PPP3CA: variants seen among roughly 807,000 people sequenced by gnomAD.
PPP3CA encodes CAM-PRP catalytic subunit.
PPP3CA carries 14 observed loss-of-function variants against 66.5 expected under a neutral mutation model. The ratio of observed to expected loss-of-function variants is 0.21; its 90% CI spans 0.14 to 0.33. PPP3CA has a LOEUF of 0.33. Ranked by LOEUF, PPP3CA falls within the 10% of genes least tolerant of loss-of-function variation. The probability of loss-of-function intolerance (pLI) is 1.00; values close to 1 mark genes in which losing one functional copy is unlikely to be tolerated. For missense variants in PPP3CA, 317 were observed against 639.5 expected, an observed-to-expected ratio of 0.50 and a Z score of 5.44; for synonymous variants, 232 against 226.2, an observed-to-expected ratio of 1.03 and a Z score of -0.23.
chr4:101,221,948 T>C (rs1224106306), intron 1 of PPP3CA, among the ~76,000 whole-genome samples: 10 of 151,554 alleles, frequency 6.6e-5, no homozygotes, highest in African/African-American at 2.2e-4. Flanking sequence ...CCAAACACAC[T>C]TAAAAATAGG....
At chr4:101,140,954 T>C (rs2110291325) in intron 2 of PPP3CA, among the ~76,000 whole-genome samples, 1 of 152,358 alleles carries the variant, frequency 6.6e-6, no homozygotes, top group Middle Eastern at 3.4e-3. Context: ...TCACTAGTAG[T>C]ACATTTCATA....
chr4:101,318,552 T>C (rs1210839637), intron 1 of PPP3CA, among the ~76,000 whole-genome samples: 1 of 152,148 alleles, frequency 6.6e-6, no homozygotes, highest in Non-Finnish European at 1.5e-5. Flanking sequence ...AATTATATTG[T>C]TAGAATTGTG....
chr4:101,056,356 C>T (rs187510515), intron 10 of PPP3CA, among the ~76,000 whole-genome samples: 183 of 152,230 alleles, frequency 1.2e-3, no homozygotes, highest in African/African-American at 4.0e-3. Flanking sequence ...ATCCCTAACA[C>T]GTAAGTGTTA....
intron 1 of PPP3CA, among the ~76,000 whole-genome samples, chr4:101,314,501 T>C (rs531960441): frequency 2.2e-4 from 33 of 147,050 alleles, no homozygotes; most frequent in Non-Finnish European, 3.9e-4. Flanking sequence ...GAGGCGGAGC[T>C]TGCAGTGAGC....
At chr4:101,127,082 A>T (rs1722268264) in intron 2 of PPP3CA, among the ~76,000 whole-genome samples, 1 of 152,134 alleles carries the variant, frequency 6.6e-6, no homozygotes, top group South Asian at 2.1e-4. Context: ...GTTTTCCCTT[A>T]TCTGAGGTTT....
chr4:101,147,251 T>C (rs558218283), intron 2 of PPP3CA, among the ~76,000 whole-genome samples: 3 of 152,320 alleles, frequency 2.0e-5, no homozygotes, highest in East Asian at 3.9e-4. Flanking sequence ...TGGCCAATAA[T>C]TTCCCACTTG....
intron 12 of PPP3CA, among the ~76,000 whole-genome samples, chr4:101,030,379 G>T (rs1417674980): frequency 6.6e-6 from 1 of 152,108 alleles, no homozygotes; most frequent in Non-Finnish European, 1.5e-5. Context: ...CATGGAGAGA[G>T]AGAGTACATA....
chr4:101,070,208 C>T (rs1728858190), intron 8 of PPP3CA, among the ~76,000 whole-genome samples: 1 of 151,792 alleles, frequency 6.6e-6, no homozygotes, highest in Non-Finnish European at 1.5e-5. Context: ...CTATATCTGG[C>T]ATATGGTTGA....
intron 2 of PPP3CA, among the ~76,000 whole-genome samples, chr4:101,115,712 A>G (rs1721818219): frequency 6.6e-6 from 1 of 151,924 alleles, no homozygotes; most frequent in Non-Finnish European, 1.5e-5. Flanking sequence ...AATGTAATAT[A>G]AAATATACAT....
chr4:101,278,136 A>AAATAAAAT (rs1553937789), intron 1 of PPP3CA, among the ~76,000 whole-genome samples: 22 of 145,916 alleles, frequency 1.5e-4, no homozygotes, highest in African/African-American at 5.2e-4. Flanking sequence ...AAAAAAAAAA[A>AAATAAAAT]AAATAAAAAA....
At chr4:101,145,062 T>G (rs1262467733) in intron 2 of PPP3CA, among the ~76,000 whole-genome samples, 1 of 152,162 alleles carries the variant, frequency 6.6e-6, no homozygotes, top group Non-Finnish European at 1.5e-5. Flanking sequence ...AAAAAAATAC[T>G]AGATTGACAC....
At chr4:101,224,698 A>G (rs933637887) in intron 1 of PPP3CA, among the ~76,000 whole-genome samples, 1 of 151,822 alleles carries the variant, frequency 6.6e-6, no homozygotes, top group Non-Finnish European at 1.5e-5. Flanking sequence ...GAAATTCAAT[A>G]TTCTGAATAA....
intron 1 of PPP3CA, among the ~76,000 whole-genome samples, chr4:101,305,128 G>A (rs1352605523): frequency 2.6e-5 from 4 of 152,198 alleles, no homozygotes; most frequent in Admixed American, 2.6e-4. Flanking sequence ...ATGGGCAAGA[G>A]TTTGTTTATT....
rs188617107 is a variant in PPP3CA at position 101,105,868 on chromosome 4, A to T, written c.384+3086T>A. On this transcript the variant is annotated intron_variant, in intron 3 of 13. Transcript: ENST00000394854. ...TGACAAAAATAATCACTCCAACATGATAGTCTTGGGATTTCCTCACTTAGA... is the reference window on the plus strand; with the variant it reads ...TGACAAAAATAATCACTCCAACATGTTAGTCTTGGGATTTCCTCACTTAGA... 8.3e-4 allele frequency among the ~76,000 whole-genome samples: 127 copies of T among 152,330 alleles called. 1 individual carries two copies. Among genetic ancestry groups the T allele is most frequent in the Admixed American group, 7.8e-3 (120 of 15,302 alleles).
intron 1 of PPP3CA, among the ~76,000 whole-genome samples, chr4:101,310,842 A>G (rs1335270910): frequency 6.6e-6 from 1 of 152,212 alleles, no homozygotes; most frequent in Non-Finnish European, 1.5e-5. Context: ...AAAACTATAA[A>G]TGTACTTGGC....
chr4:101,280,775 A>T (rs1368825429), intron 1 of PPP3CA, among the ~76,000 whole-genome samples: 1 of 144,324 alleles, frequency 6.9e-6, no homozygotes, highest in Non-Finnish European at 1.5e-5. Context: ...AGCTGAGATC[A>T]CCTCATTGCA....
Position 101,231,299 on chromosome 4 carries a change from A to G in PPP3CA, c.59-35183T>C, listed in dbSNP as rs138920637. Among the ~76,000 whole-genome samples, 488 of 151,840 alleles carry G rather than the reference A, an allele frequency of 3.2e-3. 4 individuals are homozygous for G. Among genetic ancestry groups the G allele is most frequent in the Middle Eastern group, 0.02 (6 of 294 alleles). On this transcript the variant is annotated intron_variant, in intron 1 of 13. Transcript: ENST00000394854. ...AGAAATGGGGAAGGCAGCAGTTTTT[A>G]GTTTATCAGGCCGCTAACTAGAGAA... is the stretch of plus-strand genomic sequence containing the variant.
At position 101,124,800 on chromosome 4, in the gene PPP3CA, A is replaced by G. The variant is rs573786131; in HGVS notation, c.260-15722T>C. On this transcript the variant is annotated intron_variant, in intron 2 of 13. Coordinates refer to ENST00000394854, the MANE Select transcript of PPP3CA (RefSeq NM_000944.5). ...GAAAGAAAGAAAGAAAGAAAGAAAG[A>G]GAAAACTGTATTGGTGTTGAGGAGC... Among the ~76,000 whole-genome samples, 185 of 76,850 alleles carry G rather than the reference A, an allele frequency of 2.4e-3. 2 individuals are homozygous for G. The highest frequency in any genetic ancestry group is 0.014 in the African/African-American group (181 of 12,784). The allele number at this position is 76,850 out of a possible 152,430, so 50.4% of individuals were successfully genotyped here.
At chr4:101,094,210 A>G (rs1345686519) in intron 5 of PPP3CA, among the ~76,000 whole-genome samples, 1 of 151,590 alleles carries the variant, frequency 6.6e-6, no homozygotes, top group Non-Finnish European at 1.5e-5. Context: ...GCAGTTTCTC[A>G]TTTCTCCTAT....
Sources: gnomAD v4.1 joint callset for allele counts (sites outside exome capture counted in the v4.1 genomes callset) on GRCh38, gnomAD v4.1.1 for gene constraint, MANE v1.5 for transcripts, NCBI Gene and HGNC (gene_info 2026-07-23, HGNC 2026-07-21) for gene names.